Variants in IPO5 observed in about 807,000 individuals in gnomAD.
IPO5 encodes importin-5.
A neutral mutation model predicts 143.3 loss-of-function variants in IPO5; 18 were observed. That is an observed-to-expected ratio of 0.13 (90% confidence interval 0.09 to 0.19). The LOEUF is 0.19. Ranked by LOEUF, IPO5 falls within the 10% of genes least tolerant of loss-of-function variation. The pLI is 1.00. For synonymous variants in IPO5, 477 were observed against 465.7 expected (o/e 1.02, Z -0.31); for missense variants, 1,013 against 1,336.9 (o/e 0.76, Z 3.78).
intron 9 of IPO5, 69 bp from the exon 10 acceptor site, chr13:97,992,823 G>C: frequency 6.9e-7 from 1 of 1,451,388 alleles, no homozygotes; most frequent in Non-Finnish European, 9.4e-7. Flanking sequence ...AGCATCTTAG[G>C]AATCTTTTGG....
Position 97,992,888 on chromosome 13 carries a change from C to CT in IPO5, c.670-3dup, listed in dbSNP as rs1233829762. ...GCACCGACTTTCTGTTTCATCTTTT[C>CT]TAGGCGGTAAATGACTCGTGCTACC... On this transcript the variant is annotated splice_polypyrimidine_tract_variant and splice_region_variant and intron_variant, in intron 9 of 28. Coordinates refer to ENST00000651721, the MANE Select transcript of IPO5 (RefSeq NM_002271.6). 6.2e-7 allele frequency: 1 copy of CT among 1,606,050 alleles called. No individual in the cohort carries two copies. Among genetic ancestry groups the CT allele is most frequent in the Non-Finnish European group, 8.5e-7 (1 of 1,174,980 alleles).
chr13:97,965,156 C>T (rs1885213890), intron 2 of IPO5, among the ~76,000 whole-genome samples: 1 of 151,996 alleles, frequency 6.6e-6, no homozygotes, highest in Admixed American at 6.6e-5. Flanking sequence ...CACATGGACA[C>T]AGGAAGGGGA....
Position 98,021,932 on chromosome 13 carries a change from A to G in IPO5, c.*110A>G. 1.7e-6 allele frequency: 1 copy of G among 597,310 alleles called. No individual in the cohort carries two copies. 37.0% of individuals were successfully genotyped at this position (597,310 alleles called of 1,614,324 possible). ...AAAAGAGATCGGTAGTGTTGTGTGT[A>G]GGCCATTCTTCTGGAGAGCCACAAG... On this transcript the variant is annotated 3_prime_UTR_variant, in exon 29 of 29. Coordinates refer to ENST00000651721, the MANE Select transcript of IPO5 (RefSeq NM_002271.6).
rs574361906 is a variant in IPO5 at position 97,970,477 on chromosome 13, CG to C, written c.-5+650del. 4.3e-4 allele frequency among the ~76,000 whole-genome samples: 66 copies of C among 152,060 alleles called. No homozygotes were observed. In the South Asian group the frequency reaches 0.014, roughly 31 times the overall value. On this transcript the variant is annotated intron_variant, in intron 3 of 28. Transcript: ENST00000651721. Reference sequence around the variant, plus strand: ...CTACTAAAAATAAAAAAAAATTAGCCGGGCATGGTGGCGGGCGCCTGTAATC... The same window carrying C: ...CTACTAAAAATAAAAAAAAATTAGCCGGCATGGTGGCGGGCGCCTGTAATC...
intron 3 of IPO5, among the ~76,000 whole-genome samples, chr13:97,972,796 TAGA>T (rs565103657): frequency 7.9e-4 from 121 of 152,344 alleles, no homozygotes; most frequent in African/African-American, 2.9e-3. Context: ...AAGTTAATGC[TAGA>T]AGAACTTTTA....
At chr13:97,956,127 G>A (rs1370276464) in intron 2 of IPO5, among the ~76,000 whole-genome samples, 5 of 129,046 alleles carry the variant, frequency 3.9e-5, no homozygotes, top group Admixed American at 3.1e-4. Flanking sequence ...GCGAGACTCC[G>A]TGTCAAAAAA....
In IPO5 at chr13:97,982,567, C is replaced by A. The variant is rs1406529238; in HGVS notation, c.155C>A (p.Thr52Lys). 6.2e-7 allele frequency: 1 copy of A among 1,604,792 alleles called. No homozygotes were observed. The stretch of plus-strand genomic sequence containing the variant: ...TTCCTCTTACAAGCCATCAGAAATA[C>A]AACAGCTGCTGAAGAGGTACTACCT... ...ITFLLQAIRN[T>K]TAAEEARQMA... Residue 52 changes from threonine to lysine, a missense_variant, in exon 5 of 29, where the codon ACA (threonine) becomes AAA (lysine). Coordinates refer to ENST00000651721, the MANE Select transcript of IPO5 (RefSeq NM_002271.6).
chr13:97,970,189 C>T (rs1885700920), intron 3 of IPO5, among the ~76,000 whole-genome samples: 2 of 152,136 alleles, frequency 1.3e-5, no homozygotes, highest in Admixed American at 6.5e-5. Context: ...GAAATTAATA[C>T]ATTTAACAAT....
In IPO5 at chr13:98,010,945, T is replaced by C. The variant is rs563382493; in HGVS notation, c.2055+721T>C. ...ACAGGCGCCTGCCACCACAGCTGGC[T>C]ACTTTTTGTATTTTTAGTAGAGATG... is the stretch of plus-strand genomic sequence containing the variant. On this transcript the variant is annotated intron_variant, in intron 20 of 28. Coordinates refer to ENST00000651721, the MANE Select transcript of IPO5 (RefSeq NM_002271.6). Among the ~76,000 whole-genome samples the C allele has an allele frequency of 4.6e-5, 7 of 151,800 alleles. No homozygotes were observed. The East Asian group carries it at 1.2e-3, about 25-fold the overall frequency.
chr13:98,008,692 A>G (rs1019048319), intron 18 of IPO5, among the ~76,000 whole-genome samples: 1 of 152,146 alleles, frequency 6.6e-6, no homozygotes, highest in Non-Finnish European at 1.5e-5. Flanking sequence ...ATACATACCC[A>G]GCTAACGCTT....
At chr13:97,976,390 T>C (rs1808663520) in intron 3 of IPO5, 1 of 151,530 alleles carries the variant, frequency 6.6e-6, no homozygotes, top group African/African-American at 2.4e-5. Context: ...GCGCGGCCAC[T>C]GACGGCACCG....
chr13:98,014,447 T>C (rs1889960026), intron 22 of IPO5, among the ~76,000 whole-genome samples: 1 of 152,108 alleles, frequency 6.6e-6, no homozygotes, highest in South Asian at 2.1e-4. Flanking sequence ...CTGGCTACTT[T>C]TTGTATTTTT....
rs369397191 is a variant in IPO5 at position 97,977,426 on chromosome 13, C to T, written c.90+640C>T. Among the ~76,000 whole-genome samples, 5 of 152,282 alleles carry T rather than the reference C, an allele frequency of 3.3e-5. 1 individual carries two copies. The highest frequency in any genetic ancestry group is 1.2e-4 in the African/African-American group (5 of 41,550). ...GTTGCCTTTAGGGTTTCTTTCTATG[C>T]AGTTTCCACCTTACTCTGGGCTTAT... is the stretch of plus-strand genomic sequence containing the variant. On this transcript the variant is annotated intron_variant, in intron 4 of 28. Transcript: ENST00000651721.
intron 3 of IPO5, among the ~76,000 whole-genome samples, chr13:97,974,035 C>T (rs998969490): frequency 3.9e-5 from 6 of 152,012 alleles, no homozygotes; most frequent in African/African-American, 1.5e-4. Context: ...TGCTCTCCAC[C>T]CTGGGCAACA....
At chr13:98,016,911 C>T (rs1336204781) in intron 25 of IPO5, 60 bp downstream of exon 25, 2 of 1,275,134 alleles carry the variant, frequency 1.6e-6, no homozygotes. Context: ...CTTTTCACTG[C>T]AACGTAAAAT....
Position 98,023,686 on chromosome 13 carries a change from G to A in IPO5, c.*1864G>A, listed in dbSNP as rs1396829245. 1 of 152,166 alleles carries A rather than the reference G, an allele frequency of 6.6e-6. No homozygotes were observed. Among genetic ancestry groups the A allele is most frequent in the Non-Finnish European group, 1.5e-5 (1 of 68,034 alleles). 9.4% of individuals were successfully genotyped at this position (152,166 alleles called of 1,614,324 possible). A position where few individuals can be genotyped will look rare whatever the true frequency, so the allele number is the denominator to read the frequency against. ...ATTGTCAGATGCCGTTAGTATCTGA[G>A]ATGTACTTACAGCAGGGTTCTAAGA... On this transcript the variant is annotated 3_prime_UTR_variant, in exon 29 of 29. Coordinates refer to ENST00000651721, the MANE Select transcript of IPO5 (RefSeq NM_002271.6).
At chr13:97,983,799 TTAGAC>T (rs1444766764) in intron 5 of IPO5, among the ~76,000 whole-genome samples, 1 of 151,938 alleles carries the variant, frequency 6.6e-6, no homozygotes, top group African/African-American at 2.4e-5. Context: ...GTCAGTCAGT[TTAGAC>T]TAGCAACTTC....
chr13:97,969,734 A>T lies in IPO5; in HGVS notation c.-101A>T, dbSNP rs1261896559. 6.6e-7 allele frequency: 1 copy of T among 1,508,528 alleles called. No individual in the cohort carries two copies. The highest frequency in any genetic ancestry group is 1.1e-5 in the South Asian group (1 of 88,570). 93.4% of individuals were successfully genotyped at this position (1,508,528 alleles called of 1,614,324 possible). ...TTCTGTCAAATCAGCAGAGGAAAGA[A>T]ATTCCTAAGGGAACACTGCTCAGAA... On this transcript the variant is annotated 5_prime_UTR_variant, in exon 3 of 29. Transcript: ENST00000651721.
intron 13 of IPO5, chr13:98,000,884 GA>G: frequency 1.9e-6 from 1 of 521,498 alleles, no homozygotes; most frequent in Non-Finnish European, 3.4e-6. Context: ...AATTTTTATG[GA>G]ATATTAGAAT....
Sources: allele counts gnomAD v4.1 joint callset (sites outside exome capture counted in the v4.1 genomes callset), GRCh38; gene constraint gnomAD v4.1.1; transcripts MANE v1.5; gene names NCBI Gene and HGNC (gene_info 2026-07-23, HGNC 2026-07-21).